The following ESYT2 variants were observed in gnomAD, a reference collection of about 807,000 sequenced individuals.
ESYT2 encodes extended synaptotagmin 2.
In ESYT2, 54 loss-of-function variants were observed where a neutral mutation model predicts 107.2. The observed-to-expected ratio is 0.50, with a 90% CI of 0.40 to 0.63. The LOEUF is 0.63. Ranked by LOEUF, ESYT2 falls within the 30% of genes least tolerant of loss-of-function variation. ESYT2 has a pLI of 0.00. For missense variants in ESYT2, 1,020 were observed against 1,094.5 expected (o/e 0.93, Z 0.96); for synonymous variants, 491 against 434.1 (o/e 1.13, Z -1.63).
intron 13 of ESYT2, among the ~76,000 whole-genome samples, chr7:158,755,852 T>A (rs1263347930): frequency 1.3e-5 from 2 of 151,524 alleles, no homozygotes; most frequent in Admixed American, 1.3e-4. Context: ...GAACATCACA[T>A]ACTAGGGGCC....
intron 6 of ESYT2, among the ~76,000 whole-genome samples, chr7:158,782,049 G>A (rs1179295394): frequency 1.4e-5 from 2 of 144,260 alleles, no homozygotes; most frequent in Non-Finnish European, 2.9e-5. Context: ...GAGAACAAGT[G>A]TGAGTGAACG....
At chr7:158,775,428 G>A (rs930267040) in intron 6 of ESYT2, among the ~76,000 whole-genome samples, 6 of 152,144 alleles carry the variant, frequency 3.9e-5, no homozygotes, top group African/African-American at 9.7e-5. Flanking sequence ...TTTCAAAAGC[G>A]GAGTCATCCT....
intron 3 of ESYT2, among the ~76,000 whole-genome samples, chr7:158,795,891 T>C (rs2129473483): frequency 6.6e-6 from 1 of 150,906 alleles, no homozygotes; most frequent in Non-Finnish European, 1.5e-5. Flanking sequence ...CAGCAGCACA[T>C]ACAGGCAGGT....
intron 6 of ESYT2, among the ~76,000 whole-genome samples, chr7:158,787,683 T>A (rs190291898): frequency 6.6e-6 from 1 of 152,224 alleles, no homozygotes. Context: ...TTTAGAGTCA[T>A]GAGGATTAAA....
intron 11 of ESYT2, among the ~76,000 whole-genome samples, chr7:158,760,820 T>A (rs925284386): frequency 6.6e-6 from 1 of 152,190 alleles, no homozygotes; most frequent in African/African-American, 2.4e-5. Context: ...ATAGAAGCCA[T>A]GGGCAGGACT....
chr7:158,768,988 C>T (rs1048799775), intron 7 of ESYT2, among the ~76,000 whole-genome samples: 4 of 152,200 alleles, frequency 2.6e-5, no homozygotes, highest in Admixed American at 2.6e-4. Flanking sequence ...TGCTGTATAA[C>T]ACCTTTACCT....
At chr7:158,773,269 T>G in intron 7 of ESYT2, 72 bp downstream of exon 7, 3 of 1,533,960 alleles carry the variant, frequency 2.0e-6, no homozygotes, top group Non-Finnish European at 1.8e-6. Flanking sequence ...ATTCTCACAC[T>G]ATTGTCAAGA....
At chr7:158,822,431 T>A (rs1173452655) in intron 1 of ESYT2, among the ~76,000 whole-genome samples, 1 of 152,192 alleles carries the variant, frequency 6.6e-6, no homozygotes, top group Non-Finnish European at 1.5e-5. Context: ...AAAATTAATA[T>A]TTGTTTAAGC....
At chr7:158,789,607 G>A (rs760287301) in intron 4 of ESYT2, among the ~76,000 whole-genome samples, 3 of 152,102 alleles carry the variant, frequency 2.0e-5, no homozygotes, top group Non-Finnish European at 2.9e-5. Context: ...CCACCCACCT[G>A]GGCCTTTCAA....
chr7:158,757,253 C>G (rs1425081423), intron 13 of ESYT2, among the ~76,000 whole-genome samples: 1 of 152,208 alleles, frequency 6.6e-6, no homozygotes, highest in Non-Finnish European at 1.5e-5. Context: ...CCACCGCCAG[C>G]CAACTGCATT....
At chr7:158,750,216 T>C (rs1837536799) in intron 14 of ESYT2, among the ~76,000 whole-genome samples, 1 of 152,106 alleles carries the variant, frequency 6.6e-6, no homozygotes, top group African/African-American at 2.4e-5. Flanking sequence ...AGCTTTCACA[T>C]ATCAAATCTT....
intron 3 of ESYT2, among the ~76,000 whole-genome samples, chr7:158,796,868 G>T (rs955906559): frequency 1.3e-5 from 2 of 151,192 alleles, no homozygotes; most frequent in Non-Finnish European, 2.9e-5. Flanking sequence ...GACAGGAAAG[G>T]GCACTGCAGG....
intron 13 of ESYT2, among the ~76,000 whole-genome samples, chr7:158,755,979 A>G (rs1392148782): frequency 1.3e-5 from 2 of 152,254 alleles, no homozygotes; most frequent in Admixed American, 6.5e-5. Flanking sequence ...ACAAACCTGC[A>G]CGTTGTGCAC....
chr7:158,770,674 C>T (rs1268472051), intron 7 of ESYT2, among the ~76,000 whole-genome samples: 3 of 151,870 alleles, frequency 2.0e-5, no homozygotes, highest in Admixed American at 1.3e-4. Flanking sequence ...GCCACCATGC[C>T]CGGCTAATTT....
intron 7 of ESYT2, 133 bp downstream of exon 7, chr7:158,773,208 G>T (rs1838435987): frequency 1.0e-6 from 1 of 971,616 alleles, no homozygotes; most frequent in Non-Finnish European, 1.6e-6. Context: ...TGTTTCTCAC[G>T]ACAGCCTGTG....
At position 158,743,698 on chromosome 7, in the gene ESYT2, A is replaced by G; in HGVS notation, c.1645-20T>C. ...TCTGACCTGCAAAACACAGGGTGGA[A>G]ACACTGGCATAACTAGGATCATGTC... On this transcript the variant is annotated intron_variant, in intron 16 of 22. Transcript: ENST00000275418. 6.2e-7 allele frequency: 1 copy of G among 1,600,738 alleles called. No homozygotes were observed. The highest frequency in any genetic ancestry group is 1.1e-5 in the South Asian group (1 of 89,410).
chr7:158,771,795 T>C (rs1002115629), intron 7 of ESYT2, among the ~76,000 whole-genome samples: 3 of 152,132 alleles, frequency 2.0e-5, no homozygotes, highest in Admixed American at 6.5e-5. Context: ...GCGCCCATTG[T>C]TGGAAGAGTG....
chr7:158,772,407 T>C (rs1470475204), intron 7 of ESYT2, among the ~76,000 whole-genome samples: 1 of 152,026 alleles, frequency 6.6e-6, no homozygotes, highest in Non-Finnish European at 1.5e-5. Flanking sequence ...AACAAATATA[T>C]GAGAATAAAA....
At chr7:158,809,335 G>T (rs1213637640) in intron 1 of ESYT2, among the ~76,000 whole-genome samples, 10 of 151,904 alleles carry the variant, frequency 6.6e-5, no homozygotes, top group Admixed American at 2.0e-4. Flanking sequence ...AAGTAGCTGG[G>T]CGTGGTGGCG....
Sources: allele counts gnomAD v4.1 joint callset (sites outside exome capture counted in the v4.1 genomes callset), GRCh38; gene constraint gnomAD v4.1.1; transcripts MANE v1.5; gene names NCBI Gene and HGNC (gene_info 2026-07-23, HGNC 2026-07-21).